NTRK2: variants seen among roughly 807,000 people sequenced by gnomAD.
The protein encoded by NTRK2 is neurotrophic receptor tyrosine kinase 2.
Under a neutral mutation model 94.5 loss-of-function variants are expected in NTRK2, and 13 were observed. The observed-to-expected ratio is 0.14, with a 90% CI of 0.09 to 0.22. The LOEUF (loss-of-function observed/expected upper bound fraction) is 0.22, where lower values mean the gene tolerates loss of function less well. NTRK2 is among the 10% of genes least tolerant of loss of function. The probability of loss-of-function intolerance (pLI) is 1.00; values close to 1 mark genes in which losing one functional copy is unlikely to be tolerated. For synonymous variants in NTRK2, 372 were observed against 407.4 expected (o/e 0.91, Z 1.05); for missense variants, 639 against 1,071.2 (o/e 0.60, Z 5.63).
At chr9:84,897,953 G>A (rs1175360249) in intron 14 of NTRK2, among the ~76,000 whole-genome samples, 1 of 152,188 alleles carries the variant, frequency 6.6e-6, no homozygotes, top group Admixed American at 6.5e-5. Context: ...GGTGGGCAGA[G>A]GGCCAGGCCC....
At chr9:84,802,490 T>C (rs1312257487) in intron 12 of NTRK2, among the ~76,000 whole-genome samples, 1 of 152,238 alleles carries the variant, frequency 6.6e-6, no homozygotes, top group East Asian at 1.9e-4. Flanking sequence ...GCCCCGCTGC[T>C]GTAAGACATT....
intron 12 of NTRK2, among the ~76,000 whole-genome samples, chr9:84,804,278 T>A (rs1001338431): frequency 6.6e-6 from 1 of 151,676 alleles, no homozygotes; most frequent in Non-Finnish European, 1.5e-5. Flanking sequence ...CCAACCACTT[T>A]AAAAAAAAAT....
intron 14 of NTRK2, among the ~76,000 whole-genome samples, chr9:84,869,008 A>G (rs1057207311): frequency 3.3e-5 from 5 of 152,176 alleles, no homozygotes; most frequent in African/African-American, 1.2e-4. Context: ...AATTAAGTAG[A>G]CCCGATCAGC....
intron 17 of NTRK2, among the ~76,000 whole-genome samples, chr9:85,010,258 C>T (rs1006596618): frequency 1.3e-5 from 2 of 152,156 alleles, no homozygotes; most frequent in Non-Finnish European, 2.9e-5. Context: ...AGTTTTGGTC[C>T]TAAACCAGCA....
At chr9:84,841,035 C>T (rs2131784602) in intron 12 of NTRK2, among the ~76,000 whole-genome samples, 1 of 152,262 alleles carries the variant, frequency 6.6e-6, no homozygotes, top group Non-Finnish European at 1.5e-5. Context: ...GTTGCTGAGC[C>T]CTGAAGCTCA....
chr9:84,933,133 G>A (rs981770309), intron 14 of NTRK2, among the ~76,000 whole-genome samples: 1 of 152,052 alleles, frequency 6.6e-6, no homozygotes, highest in South Asian at 2.1e-4. Flanking sequence ...AGCTCTAGAG[G>A]GCATCACAAT....
chr9:84,914,140 G>A (rs1057291543), intron 14 of NTRK2, among the ~76,000 whole-genome samples: 8 of 151,766 alleles, frequency 5.3e-5, no homozygotes, highest in African/African-American at 1.9e-4. Context: ...ATTTTCATTT[G>A]GTTTTCTTTA....
At chr9:84,696,437 C>T (rs1305636291) in intron 2 of NTRK2, among the ~76,000 whole-genome samples, 1 of 152,116 alleles carries the variant, frequency 6.6e-6, no homozygotes, top group Admixed American at 6.5e-5. Context: ...CTGTTATTGT[C>T]TTTCCTTTGT....
At chr9:84,963,420 A>G (rs1230640052) in intron 17 of NTRK2, among the ~76,000 whole-genome samples, 3 of 152,272 alleles carry the variant, frequency 2.0e-5, no homozygotes, top group Non-Finnish European at 4.4e-5. Flanking sequence ...TTTATTTGCA[A>G]TGAGCCCCTG....
intron 17 of NTRK2, among the ~76,000 whole-genome samples, chr9:84,967,114 T>C (rs1390969283): frequency 6.6e-6 from 1 of 152,226 alleles, no homozygotes; most frequent in Admixed American, 6.5e-5. Flanking sequence ...TTTGAGGCTC[T>C]CTTCTCTCAT....
At chr9:84,774,025 G>A (rs578233672) in intron 12 of NTRK2, among the ~76,000 whole-genome samples, 2 of 152,268 alleles carry the variant, frequency 1.3e-5, no homozygotes, top group East Asian at 3.9e-4. Flanking sequence ...CCTAACTACT[G>A]TGCCTTCCTG....
At position 84,797,829 on chromosome 9, in the gene NTRK2, TA is replaced by T. The variant is rs531897206; in HGVS notation, c.1396+45746del. Among the ~76,000 whole-genome samples, 81 of 92,306 alleles carry T rather than the reference TA, an allele frequency of 8.8e-4. 2 individuals are homozygous for T. The Admixed American group carries it at 0.012, about 14-fold the overall frequency. The allele number at this position is 92,306 out of a possible 152,430, so 60.6% of individuals were successfully genotyped here. ...TATATATTATATATTATATATACTA[TA>T]ATAATATATATATTATATATTATAT... On this transcript the variant is annotated intron_variant, in intron 12 of 18. Transcript: ENST00000277120.
intron 17 of NTRK2, among the ~76,000 whole-genome samples, chr9:84,969,471 T>G (rs933555897): frequency 2.6e-5 from 4 of 152,202 alleles, no homozygotes; most frequent in Non-Finnish European, 5.9e-5. Flanking sequence ...CAAATAATGT[T>G]CTGCATGCAA....
Position 85,023,409 on chromosome 9 carries a change from T to A in NTRK2, c.*1972T>A, listed in dbSNP as rs570117469. On this transcript the variant is annotated 3_prime_UTR_variant, in exon 19 of 19. Coordinates refer to ENST00000277120, the MANE Select transcript of NTRK2 (RefSeq NM_006180.6). Reference sequence around the variant, plus strand: ...AATTACTGGAACACCTTATTTTTCATTAAAGGCTTTGAAAGCCAATTCTCA... The same window carrying A: ...AATTACTGGAACACCTTATTTTTCAATAAAGGCTTTGAAAGCCAATTCTCA... The A allele has an allele frequency of 8.6e-6, 2 of 232,400 alleles. No homozygotes were observed. Among genetic ancestry groups the A allele is most frequent in the African/African-American group, 4.4e-5 (2 of 45,412 alleles). The allele number at this position is 232,400 out of a possible 1,614,324, so 14.4% of individuals were successfully genotyped here.
chr9:84,891,800 C>T (rs1303492949), intron 14 of NTRK2, among the ~76,000 whole-genome samples: 1 of 152,118 alleles, frequency 6.6e-6, no homozygotes, highest in Non-Finnish European at 1.5e-5. Flanking sequence ...AAATTAGAAC[C>T]TAGAGAAGTA....
At chr9:84,897,963 C>T (rs1249259060) in intron 14 of NTRK2, among the ~76,000 whole-genome samples, 2 of 152,126 alleles carry the variant, frequency 1.3e-5, no homozygotes, top group East Asian at 1.9e-4. Flanking sequence ...GGGCCAGGCC[C>T]ACTGATTTGC....
intron 12 of NTRK2, among the ~76,000 whole-genome samples, chr9:84,830,053 T>C (rs371675062): frequency 4.6e-5 from 7 of 152,312 alleles, no homozygotes; most frequent in African/African-American, 1.7e-4. Context: ...AATCATCCTA[T>C]GGTGGACATC....
intron 14 of NTRK2, among the ~76,000 whole-genome samples, chr9:84,927,939 A>G (rs1587958985): frequency 6.6e-6 from 1 of 152,226 alleles, no homozygotes; most frequent in East Asian, 1.9e-4. Context: ...CTGAGGTGTC[A>G]TCTGTAAAAT....
At chr9:84,694,915 C>A (rs576542605) in intron 2 of NTRK2, among the ~76,000 whole-genome samples, 128 of 152,024 alleles carry the variant, frequency 8.4e-4, no homozygotes, top group African/African-American at 3.0e-3. Flanking sequence ...CGGTGGCTCA[C>A]GTCTGTAATG....
Sources: allele counts gnomAD v4.1 joint callset (sites outside exome capture counted in the v4.1 genomes callset), GRCh38; gene constraint gnomAD v4.1.1; transcripts MANE v1.5; gene names NCBI Gene and HGNC (gene_info 2026-07-23, HGNC 2026-07-21).